Variants in FHIT observed in about 807,000 individuals in gnomAD.
FHIT encodes fragile histidine triad diadenosine triphosphatase.
In FHIT, 19 loss-of-function variants were observed where a neutral mutation model predicts 17.9. That is an observed-to-expected ratio of 1.06 (90% confidence interval 0.74 to 1.56). The LOEUF (loss-of-function observed/expected upper bound fraction) is 1.56, where lower values mean the gene tolerates loss of function less well. Ranked by LOEUF, FHIT falls within the 40% of genes most tolerant of loss-of-function variation. The probability of loss-of-function intolerance (pLI) is 0.00; values close to 1 mark genes in which losing one functional copy is unlikely to be tolerated. For missense variants in FHIT, 248 were observed against 189.2 expected, an observed-to-expected ratio of 1.31 and a Z score of -1.82; for synonymous variants, 81 against 69.7, an observed-to-expected ratio of 1.16 and a Z score of -0.81.
chr3:60,799,379 G>A (rs1339542371), intron 4 of FHIT, among the ~76,000 whole-genome samples: 1 of 152,152 alleles, frequency 6.6e-6, no homozygotes, highest in Non-Finnish European at 1.5e-5. Context: ...TCTCCATGTT[G>A]GTCAGGCTGG....
At chr3:60,952,676 A>T (rs1243741643) in intron 3 of FHIT, among the ~76,000 whole-genome samples, 4 of 152,224 alleles carry the variant, frequency 2.6e-5, no homozygotes, top group African/African-American at 9.6e-5. Context: ...TTTCTTCCTG[A>T]AAACATGAAA....
At chr3:60,949,924 T>C (rs1364593362) in intron 3 of FHIT, among the ~76,000 whole-genome samples, 1 of 152,216 alleles carries the variant, frequency 6.6e-6, no homozygotes, top group Non-Finnish European at 1.5e-5. Context: ...AATTATGGTA[T>C]AGCCATAAAG....
chr3:60,887,916 C>A (rs1705307520), intron 3 of FHIT, among the ~76,000 whole-genome samples: 1 of 152,102 alleles, frequency 6.6e-6, no homozygotes, highest in Admixed American at 6.6e-5. Context: ...ACATGAACGT[C>A]TATATGGAAA....
chr3:61,123,083 C>G (rs1265568866), intron 2 of FHIT, among the ~76,000 whole-genome samples: 2 of 151,886 alleles, frequency 1.3e-5, no homozygotes, highest in African/African-American at 4.8e-5. Flanking sequence ...TTCACAATAG[C>G]AAGACTTGGA....
chr3:59,768,117 T>C (rs1701891042), intron 8 of FHIT, among the ~76,000 whole-genome samples: 1 of 152,168 alleles, frequency 6.6e-6, no homozygotes, highest in African/African-American at 2.4e-5. Context: ...CAACTAAATA[T>C]AACAGGGGTG....
chr3:59,926,421 C>G (rs1416792222), intron 7 of FHIT, among the ~76,000 whole-genome samples: 1 of 152,132 alleles, frequency 6.6e-6, no homozygotes, highest in Non-Finnish European at 1.5e-5. Context: ...ATGGGTGATG[C>G]AGAAGATAAG....
chr3:60,252,688 A>C (rs1169039080), intron 5 of FHIT, among the ~76,000 whole-genome samples: 1 of 152,096 alleles, frequency 6.6e-6, no homozygotes, highest in Non-Finnish European at 1.5e-5. Flanking sequence ...TATTTAATAA[A>C]CAGATAATAA....
intron 5 of FHIT, among the ~76,000 whole-genome samples, chr3:60,099,206 G>C (rs893776795): frequency 6.6e-6 from 1 of 152,042 alleles, no homozygotes; most frequent in Non-Finnish European, 1.5e-5. Flanking sequence ...TACCTCAAAG[G>C]CTCTCCCTTT....
chr3:60,622,126 G>A (rs1473649503), intron 4 of FHIT, among the ~76,000 whole-genome samples: 1 of 152,148 alleles, frequency 6.6e-6, no homozygotes, highest in Non-Finnish European at 1.5e-5. Context: ...TGGTGATGGA[G>A]TCAAGATTGA....
chr3:60,622,039 A>C (rs1444104830), intron 4 of FHIT, among the ~76,000 whole-genome samples: 3 of 152,132 alleles, frequency 2.0e-5, no homozygotes, highest in Non-Finnish European at 4.4e-5. Context: ...AAACATAGGA[A>C]TTGTTATCCC....
chr3:61,166,047 G>A (rs893142310), intron 2 of FHIT, among the ~76,000 whole-genome samples: 2 of 152,138 alleles, frequency 1.3e-5, no homozygotes, highest in Non-Finnish European at 2.9e-5. Flanking sequence ...TCAGCAAAGC[G>A]TGCATAGGGC....
intron 8 of FHIT, among the ~76,000 whole-genome samples, chr3:59,903,362 G>A (rs550560390): frequency 2.6e-5 from 4 of 152,228 alleles, no homozygotes; most frequent in Non-Finnish European, 4.4e-5. Flanking sequence ...AGATTGTAGT[G>A]ACAGTTACAC....
intron 5 of FHIT, among the ~76,000 whole-genome samples, chr3:60,032,452 G>A (rs1197372315): frequency 1.3e-5 from 2 of 151,302 alleles, no homozygotes; most frequent in East Asian, 1.9e-4. Context: ...ACCGTACCTT[G>A]AAAAAAATAA....
chr3:60,732,631 G>C, intron 4 of FHIT: 2 of 483,500 alleles, frequency 4.1e-6, no homozygotes, highest in South Asian at 1.8e-5. Flanking sequence ...CGGTGGGGTT[G>C]ACCATGGCTG....
At chr3:60,338,119 G>C (rs1576497971) in intron 5 of FHIT, among the ~76,000 whole-genome samples, 1 of 152,186 alleles carries the variant, frequency 6.6e-6, no homozygotes, top group East Asian at 1.9e-4. Context: ...GCGTTTTCTA[G>C]AGAATCTTCC....
intron 5 of FHIT, among the ~76,000 whole-genome samples, chr3:60,269,281 C>A (rs949843370): frequency 6.6e-6 from 1 of 152,136 alleles, no homozygotes; most frequent in Non-Finnish European, 1.5e-5. Context: ...ACGTCTTTAA[C>A]CTTATTGGGA....
At chr3:60,358,191 T>A (rs184236233) in intron 5 of FHIT, among the ~76,000 whole-genome samples, 1 of 152,336 alleles carries the variant, frequency 6.6e-6, no homozygotes, top group East Asian at 1.9e-4. Flanking sequence ...ACCCTCAACA[T>A]AACAAGCACT....
intron 8 of FHIT, among the ~76,000 whole-genome samples, chr3:59,900,326 G>A (rs1295623073): frequency 6.6e-6 from 1 of 152,230 alleles, no homozygotes; most frequent in Non-Finnish European, 1.5e-5. Flanking sequence ...CAGAACAGGT[G>A]AGGCTACATG....
intron 5 of FHIT, among the ~76,000 whole-genome samples, chr3:60,140,406 G>A (rs1023400771): frequency 1.6e-4 from 24 of 151,944 alleles, no homozygotes; most frequent in African/African-American, 5.6e-4. Flanking sequence ...TGGGATTCTT[G>A]ATATGAGCAA....
Sources: gnomAD v4.1 joint callset for allele counts (sites outside exome capture counted in the v4.1 genomes callset) on GRCh38, gnomAD v4.1.1 for gene constraint, MANE v1.5 for transcripts, NCBI Gene and HGNC (gene_info 2026-07-23, HGNC 2026-07-21) for gene names.